The following NEGR1 variants were observed in gnomAD, a reference collection of about 807,000 sequenced individuals.
The protein encoded by NEGR1 is IgLON family member 4.
NEGR1 carries 10 observed loss-of-function variants against 40.9 expected under a neutral mutation model. That is an observed-to-expected ratio of 0.24 (90% CI 0.15 to 0.42). NEGR1 has a LOEUF of 0.42. Among genes scored for constraint, NEGR1 ranks in the 10% least tolerant of loss-of-function variants. NEGR1 has a pLI of 1.00. For synonymous variants in NEGR1, 185 were observed against 166.8 expected (o/e 1.11, Z -0.84); for missense variants, 352 against 438.9 (o/e 0.80, Z 1.77).
At chr1:71,871,428 T>C (rs1660274209) in intron 2 of NEGR1, among the ~76,000 whole-genome samples, 1 of 152,166 alleles carries the variant, frequency 6.6e-6, no homozygotes, top group African/African-American at 2.4e-5. Flanking sequence ...TATCACACCA[T>C]TTTAAATATC....
chr1:71,814,049 G>T (rs1658106195), intron 2 of NEGR1, among the ~76,000 whole-genome samples: 1 of 152,104 alleles, frequency 6.6e-6, no homozygotes, highest in Non-Finnish European at 1.5e-5. Context: ...CATTCAGTAT[G>T]ATATTGGCTG....
chr1:71,949,941 G>A (rs1044709069), intron 1 of NEGR1, among the ~76,000 whole-genome samples: 4 of 150,886 alleles, frequency 2.7e-5, no homozygotes, highest in Non-Finnish European at 5.9e-5. Flanking sequence ...GAACATGTAA[G>A]AAAAACTCAA....
At chr1:72,079,155 T>C (rs1438048327) in intron 1 of NEGR1, among the ~76,000 whole-genome samples, 3 of 149,626 alleles carry the variant, frequency 2.0e-5, no homozygotes, top group Non-Finnish European at 3.0e-5. Context: ...GTGCCAAATT[T>C]CTATAACTAA....
intron 2 of NEGR1, among the ~76,000 whole-genome samples, chr1:71,907,145 T>A (rs1220956462): frequency 6.6e-6 from 1 of 152,178 alleles, no homozygotes; most frequent in African/African-American, 2.4e-5. Context: ...AAATATCATT[T>A]CAAATTTAGC....
chr1:72,119,900 A>T (rs999652892), intron 1 of NEGR1, among the ~76,000 whole-genome samples: 1 of 151,986 alleles, frequency 6.6e-6, no homozygotes, highest in Non-Finnish European at 1.5e-5. Flanking sequence ...ACATCTTCTG[A>T]AATGTCTGGT....
At chr1:72,209,745 C>T (rs1010162459) in intron 1 of NEGR1, among the ~76,000 whole-genome samples, 6 of 151,692 alleles carry the variant, frequency 4.0e-5, no homozygotes, top group African/African-American at 7.3e-5. Flanking sequence ...TGGAGATACA[C>T]GCATGTATCT....
At chr1:72,220,342 T>C (rs1436768572) in intron 1 of NEGR1, among the ~76,000 whole-genome samples, 3 of 151,942 alleles carry the variant, frequency 2.0e-5, no homozygotes, top group Non-Finnish European at 2.9e-5. Context: ...TAAAACTAAG[T>C]TTTACTGAAG....
intron 2 of NEGR1, among the ~76,000 whole-genome samples, chr1:71,831,342 G>T (rs1658833465): frequency 6.6e-6 from 1 of 152,006 alleles, no homozygotes; most frequent in Non-Finnish European, 1.5e-5. Flanking sequence ...GCAAATAAAG[G>T]TGTTAGATTG....
intron 2 of NEGR1, among the ~76,000 whole-genome samples, chr1:71,867,357 A>C (rs1174861291): frequency 2.0e-5 from 3 of 152,222 alleles, no homozygotes; most frequent in African/African-American, 7.2e-5. Flanking sequence ...CCTGGGCGAA[A>C]GAGTGAGACT....
chr1:71,603,439 A>C (rs1649986703), intron 5 of NEGR1, among the ~76,000 whole-genome samples: 2 of 152,218 alleles, frequency 1.3e-5, no homozygotes, highest in Admixed American at 6.5e-5. Flanking sequence ...TCTGGAAATT[A>C]GGTCTGCTTT....
intron 2 of NEGR1, among the ~76,000 whole-genome samples, chr1:71,842,487 A>T (rs2101803678): frequency 6.6e-6 from 1 of 152,324 alleles, no homozygotes; most frequent in Non-Finnish European, 1.5e-5. Context: ...GGAGCTATTA[A>T]GAAATTTCTC....
chr1:71,669,350 A>G (rs1410654647), intron 4 of NEGR1, among the ~76,000 whole-genome samples: 4 of 152,018 alleles, frequency 2.6e-5, no homozygotes, highest in African/African-American at 9.7e-5. Flanking sequence ...GTTTGGGTAT[A>G]TAGCTATCAT....
At chr1:72,133,430 T>C (rs1650330704) in intron 1 of NEGR1, among the ~76,000 whole-genome samples, 1 of 151,942 alleles carries the variant, frequency 6.6e-6, no homozygotes, top group Non-Finnish European at 1.5e-5. Flanking sequence ...AGGGAAAAAA[T>C]AGGAAAAACT....
At chr1:71,555,797 G>A (rs183103232) in intron 6 of NEGR1, among the ~76,000 whole-genome samples, 2 of 151,542 alleles carry the variant, frequency 1.3e-5, no homozygotes, top group East Asian at 3.9e-4. Flanking sequence ...CCAAGAAGTT[G>A]AGAATATCTT....
chr1:72,085,212 G>A (rs75775914), intron 1 of NEGR1, among the ~76,000 whole-genome samples: 3,929 of 152,164 alleles, frequency 0.026, 71 homozygotes, highest in Middle Eastern at 0.048. Context: ...GGGTATATGC[G>A]CATATATATA....
At chr1:72,236,687 C>A (rs1233103474) in intron 1 of NEGR1, among the ~76,000 whole-genome samples, 3 of 151,952 alleles carry the variant, frequency 2.0e-5, no homozygotes, top group African/African-American at 7.2e-5. Context: ...GGCATTAACA[C>A]CTTTATATTT....
chr1:71,955,113 A>T (rs1284869097), intron 1 of NEGR1, among the ~76,000 whole-genome samples: 1 of 152,146 alleles, frequency 6.6e-6, no homozygotes, highest in African/African-American at 2.4e-5. Flanking sequence ...ACAGATTACT[A>T]CAAAGTACAA....
intron 6 of NEGR1, among the ~76,000 whole-genome samples, chr1:71,409,603 T>C (rs1237500785): frequency 6.6e-6 from 1 of 151,986 alleles, no homozygotes; most frequent in Non-Finnish European, 1.5e-5. Flanking sequence ...CCATGAAATA[T>C]ATATTATATG....
At chr1:71,787,938 T>C (rs1274667891) in intron 2 of NEGR1, among the ~76,000 whole-genome samples, 1 of 152,176 alleles carries the variant, frequency 6.6e-6, no homozygotes, top group Non-Finnish European at 1.5e-5. Context: ...CACTAATGTG[T>C]GGTTTCTCAC....
Sources: gnomAD v4.1 joint callset for allele counts (sites outside exome capture counted in the v4.1 genomes callset) on GRCh38, gnomAD v4.1.1 for gene constraint, MANE v1.5 for transcripts, NCBI Gene and HGNC (gene_info 2026-07-23, HGNC 2026-07-21) for gene names.